INO80: variants seen among roughly 807,000 people sequenced by gnomAD.
INO80 encodes the protein INO80 complex ATPase subunit, also known as chromatin-remodeling ATPase INO80.
A neutral mutation model predicts 203.4 loss-of-function variants in INO80; 20 were observed. The ratio of observed to expected loss-of-function variants is 0.10; its 90% CI spans 0.07 to 0.14. INO80 has a LOEUF of 0.14. Among genes scored for constraint, INO80 ranks in the 10% least tolerant of loss-of-function variants. INO80 has a pLI of 1.00. For missense variants in INO80, 1,419 were observed against 1,914.4 expected (o/e 0.74, Z 4.83); for synonymous variants, 726 against 685.2 (o/e 1.06, Z -0.93).
At chr15:41,045,121 G>C in intron 23 of INO80, 46 bp from the exon 24 acceptor site, 2 of 1,482,968 alleles carry the variant, frequency 1.3e-6, no homozygotes, top group East Asian at 4.7e-5. Flanking sequence ...CTCCATGGAG[G>C]TTTGAGGGTC....
chr15:41,037,487 G>C (rs765211240), intron 24 of INO80, among the ~76,000 whole-genome samples: 3 of 152,064 alleles, frequency 2.0e-5, no homozygotes, highest in Non-Finnish European at 4.4e-5. Flanking sequence ...CTGGGCAATA[G>C]AGCAAGACTC....
chr15:40,984,400 A>G, intron 32 of INO80, 48 bp from the exon 33 acceptor site: 1 of 1,557,584 alleles, frequency 6.4e-7, no homozygotes, highest in Non-Finnish European at 8.8e-7. Flanking sequence ...ATGCACCCCA[A>G]AAGAAAAGCG....
At chr15:40,985,143 G>T (rs1229817235) in intron 32 of INO80, among the ~76,000 whole-genome samples, 195 bp downstream of exon 32, 1 of 152,178 alleles carries the variant, frequency 6.6e-6, no homozygotes, top group African/African-American at 2.4e-5. Flanking sequence ...GTGAGTTTGT[G>T]TGGAGAGTAC....
intron 1 of INO80, among the ~76,000 whole-genome samples, chr15:41,109,697 C>T (rs1352843066): frequency 1.3e-5 from 2 of 149,978 alleles, no homozygotes; most frequent in Non-Finnish European, 3.0e-5. Context: ...TTTGGGAGGC[C>T]GAGGCAGATG....
intron 25 of INO80, among the ~76,000 whole-genome samples, chr15:41,021,999 G>A (rs2044301446): frequency 6.6e-6 from 1 of 152,202 alleles, no homozygotes; most frequent in Admixed American, 6.5e-5. Flanking sequence ...AAATGTGGAG[G>A]CTGTGATTAT....
intron 19 of INO80, among the ~76,000 whole-genome samples, chr15:41,050,609 T>C (rs2044852780): frequency 6.6e-6 from 1 of 152,142 alleles, no homozygotes; most frequent in South Asian, 2.1e-4. Flanking sequence ...ATCCTTCAAT[T>C]CAGCTTGGAA....
intron 27 of INO80, among the ~76,000 whole-genome samples, chr15:41,008,525 A>G (rs2044084576): frequency 6.6e-6 from 1 of 152,246 alleles, no homozygotes; most frequent in Non-Finnish European, 1.5e-5. Context: ...ACTAGAGCTA[A>G]TAATATTGTA....
chr15:41,034,527 G>A lies in INO80; in HGVS notation c.2908-6791C>T, dbSNP rs191286511. 2.7e-3 allele frequency among the ~76,000 whole-genome samples: 407 copies of A among 152,308 alleles called. 3 individuals carry two copies. The highest frequency in any genetic ancestry group is 0.013 in the South Asian group (61 of 4,824). ...GATAGGAAGTTATATTTAGGAGACA[G>A]GCTACAGGAACAATAACTCTCTTTA... On this transcript the variant is annotated intron_variant, in intron 24 of 35. Transcript: ENST00000648947.
intron 5 of INO80, among the ~76,000 whole-genome samples, chr15:41,089,239 T>TG (rs2045600867): frequency 6.6e-6 from 1 of 152,080 alleles, no homozygotes; most frequent in South Asian, 2.1e-4. Context: ...AGCAAATACT[T>TG]GGAGCGCCAA....
At chr15:41,001,311 C>T (rs915419223) in intron 28 of INO80, among the ~76,000 whole-genome samples, 2 of 152,258 alleles carry the variant, frequency 1.3e-5, no homozygotes, top group African/African-American at 4.8e-5. Flanking sequence ...TAAAACCACA[C>T]AGCAAAGACA....
At chr15:41,092,837 G>C (rs1343920778) in intron 4 of INO80, among the ~76,000 whole-genome samples, 1 of 152,132 alleles carries the variant, frequency 6.6e-6, no homozygotes, top group Non-Finnish European at 1.5e-5. Flanking sequence ...CATGAGGATT[G>C]CTTGAGGCCG....
intron 32 of INO80, among the ~76,000 whole-genome samples, chr15:40,984,603 G>C (rs1304165361): frequency 1.3e-5 from 2 of 149,682 alleles, no homozygotes; most frequent in African/African-American, 4.9e-5. Context: ...AGGATTACTT[G>C]AGCCCAGAAA....
chr15:41,076,190 G>A (rs1255375605), intron 9 of INO80, among the ~76,000 whole-genome samples: 2 of 151,938 alleles, frequency 1.3e-5, no homozygotes, highest in African/African-American at 2.4e-5. Flanking sequence ...GAGAAACCTC[G>A]TCTCTGATAA....
chr15:41,068,087 A>G (rs937701625), intron 14 of INO80, among the ~76,000 whole-genome samples: 2 of 152,212 alleles, frequency 1.3e-5, no homozygotes, highest in South Asian at 4.1e-4. Flanking sequence ...CTTAGACATT[A>G]TAAGCTGGAC....
At chr15:40,996,604 A>G (rs533530421) in intron 29 of INO80, among the ~76,000 whole-genome samples, 7 of 152,242 alleles carry the variant, frequency 4.6e-5, no homozygotes, top group East Asian at 3.9e-4. Flanking sequence ...GATTACAGGC[A>G]TGAGCCACCA....
At position 41,009,242 on chromosome 15, in the gene INO80, T is replaced by TA. The variant is rs1555399188; in HGVS notation, c.3403-3556_3403-3555insT. Among the ~76,000 whole-genome samples, 430 of 151,760 alleles carry TA rather than the reference T, an allele frequency of 2.8e-3. 4 individuals are homozygous for TA. Among genetic ancestry groups the TA allele is most frequent in the African/African-American group, 6.2e-3 (257 of 41,406 alleles). ...TTCCTTATACTGTTCTTTTTTTTTT[T>TA]TTATTATACTTTAAGTTTTAGGGTA... On this transcript the variant is annotated intron_variant, in intron 27 of 35. Transcript: ENST00000648947.
intron 27 of INO80, among the ~76,000 whole-genome samples, chr15:41,008,903 G>A (rs2044091326): frequency 6.6e-6 from 1 of 152,154 alleles, no homozygotes; most frequent in South Asian, 2.1e-4. Flanking sequence ...GTGAGATCTT[G>A]GCTCACAGCA....
At chr15:41,025,097 C>G (rs543712591) in intron 25 of INO80, among the ~76,000 whole-genome samples, 6 of 152,250 alleles carry the variant, frequency 3.9e-5, no homozygotes, top group African/African-American at 1.4e-4. Flanking sequence ...AAAGGAGCAC[C>G]CTTTCAGCCA....
Position 40,982,858 on chromosome 15 carries a change from G to T in INO80, c.4453+4C>A. Reference sequence around the variant, plus strand: ...AAGTCTGCAGCCACCCTGGGCTTCTGTACCTTTAGACACGTTGTACCCGTA... The same window carrying T: ...AAGTCTGCAGCCACCCTGGGCTTCTTTACCTTTAGACACGTTGTACCCGTA... On this transcript the variant is annotated splice_donor_region_variant and intron_variant, in intron 35 of 35. Coordinates refer to ENST00000648947, the MANE Select transcript of INO80 (RefSeq NM_017553.3). The T allele has an allele frequency of 6.2e-7, 1 of 1,609,626 alleles. No individual in the cohort carries two copies. The highest frequency in any genetic ancestry group is 1.1e-5 in the South Asian group (1 of 90,946).
Sources: allele counts gnomAD v4.1 joint callset (sites outside exome capture counted in the v4.1 genomes callset), GRCh38; gene constraint gnomAD v4.1.1; transcripts MANE v1.5; gene names NCBI Gene and HGNC (gene_info 2026-07-23, HGNC 2026-07-21).